The following FCHSD2 variants were observed in gnomAD, a reference collection of about 807,000 sequenced individuals.
The protein encoded by FCHSD2 is F-BAR and double SH3 domains protein 2.
FCHSD2 carries 38 observed loss-of-function variants against 108.1 expected under a neutral mutation model. The observed-to-expected ratio is 0.35, with a 90% confidence interval of 0.27 to 0.46. The LOEUF (loss-of-function observed/expected upper bound fraction) is 0.46. FCHSD2 is among the 20% of genes least tolerant of loss of function. The probability of loss-of-function intolerance (pLI) is 1.00; values close to 1 mark genes in which losing one functional copy is unlikely to be tolerated. For synonymous variants in FCHSD2, 279 were observed against 314.7 expected (o/e 0.89, Z 1.20); for missense variants, 751 against 897.8 (o/e 0.84, Z 2.09).
intron 3 of FCHSD2, among the ~76,000 whole-genome samples, chr11:73,030,195 T>C (rs996111625): frequency 2.0e-5 from 3 of 152,174 alleles, no homozygotes; most frequent in Non-Finnish European, 4.4e-5. Context: ...AGTTCCTATG[T>C]ATATGTATGC....
chr11:72,896,845 G>C (rs1459335315), intron 10 of FCHSD2, among the ~76,000 whole-genome samples: 1 of 142,196 alleles, frequency 7.0e-6, no homozygotes, highest in Non-Finnish European at 1.5e-5. Flanking sequence ...TGTTTTGTTT[G>C]AGACAGAGTC....
intron 13 of FCHSD2, among the ~76,000 whole-genome samples, chr11:72,850,331 C>T (rs1861252122): frequency 6.6e-6 from 1 of 152,012 alleles, no homozygotes. Context: ...TCCCAAAGTG[C>T]TGGTATTACA....
At chr11:72,886,612 T>C (rs752112585) in intron 12 of FCHSD2, among the ~76,000 whole-genome samples, 2 of 152,194 alleles carry the variant, frequency 1.3e-5, no homozygotes, top group Admixed American at 1.3e-4. Flanking sequence ...TCTACCTCCA[T>C]ACCCCTTCAC....
chr11:73,011,019 G>T (rs1381996987), intron 4 of FCHSD2, among the ~76,000 whole-genome samples: 1 of 152,140 alleles, frequency 6.6e-6, no homozygotes, highest in East Asian at 1.9e-4. Flanking sequence ...CAGGTGCCAT[G>T]TGCAGGTAGG....
At chr11:72,973,597 T>C (rs980391012) in intron 8 of FCHSD2, among the ~76,000 whole-genome samples, 11 of 152,236 alleles carry the variant, frequency 7.2e-5, no homozygotes, top group Non-Finnish European at 1.6e-4. Flanking sequence ...TACAATCTGT[T>C]GAACATAAGG....
At chr11:73,037,560 T>C (rs1411429349) in intron 3 of FCHSD2, among the ~76,000 whole-genome samples, 1 of 152,222 alleles carries the variant, frequency 6.6e-6, no homozygotes, top group Admixed American at 6.5e-5. Context: ...GAATGCATTC[T>C]TTCTCCATAT....
At chr11:72,934,370 G>T (rs1363014121) in intron 8 of FCHSD2, among the ~76,000 whole-genome samples, 3 of 139,448 alleles carry the variant, frequency 2.2e-5, no homozygotes, top group African/African-American at 8.0e-5. Flanking sequence ...TTACTCTGTT[G>T]CCCAGGCTGG....
At position 72,837,809 on chromosome 11, in the gene FCHSD2, C is replaced by G. The variant is rs1860778989; in HGVS notation, c.*982G>C. Reference sequence around the variant, plus strand: ...TGCATTTTCCACCATAGCAGTTGGTCTGGACCAGCCACAGCCTGGCTGTCT... The same window carrying G: ...TGCATTTTCCACCATAGCAGTTGGTGTGGACCAGCCACAGCCTGGCTGTCT... On this transcript the variant is annotated 3_prime_UTR_variant, in exon 20 of 20. Transcript: ENST00000409418. 6.6e-6 allele frequency: 1 copy of G among 152,340 alleles called. No homozygotes were observed. Among genetic ancestry groups the G allele is most frequent in the South Asian group, 2.1e-4 (1 of 4,830 alleles). The allele number at this position is 152,340 out of a possible 1,614,324, so 9.4% of individuals were successfully genotyped here. A position where few individuals can be genotyped will look rare whatever the true frequency, so the allele number is the denominator to read the frequency against.
At chr11:72,856,686 T>C (rs974684174) in intron 13 of FCHSD2, among the ~76,000 whole-genome samples, 2 of 152,184 alleles carry the variant, frequency 1.3e-5, no homozygotes, top group African/African-American at 4.8e-5. Flanking sequence ...TTACAAATTA[T>C]TCATCTATCA....
At chr11:72,938,580 G>A (rs1196872349) in intron 8 of FCHSD2, among the ~76,000 whole-genome samples, 1 of 152,130 alleles carries the variant, frequency 6.6e-6, no homozygotes, top group Non-Finnish European at 1.5e-5. Flanking sequence ...AATGAGGGGT[G>A]AGCAGATCAC....
intron 3 of FCHSD2, among the ~76,000 whole-genome samples, chr11:73,035,185 T>G (rs1027976845): frequency 2.9e-5 from 4 of 139,600 alleles, no homozygotes; most frequent in East Asian, 2.0e-4. Flanking sequence ...TATGTATGTA[T>G]GTATGTATGT....
At chr11:72,856,816 G>A (rs904015686) in intron 13 of FCHSD2, among the ~76,000 whole-genome samples, 3 of 152,144 alleles carry the variant, frequency 2.0e-5, no homozygotes, top group Non-Finnish European at 4.4e-5. Context: ...ACAGGGCATT[G>A]TGCCACATAA....
chr11:73,007,598 T>C (rs980828181), intron 4 of FCHSD2, among the ~76,000 whole-genome samples: 4 of 151,590 alleles, frequency 2.6e-5, no homozygotes, highest in African/African-American at 9.7e-5. Context: ...GAGACCCTGT[T>C]TTGAAAGAAA....
intron 4 of FCHSD2, among the ~76,000 whole-genome samples, chr11:73,008,728 C>T (rs2135425680): frequency 6.6e-6 from 1 of 152,212 alleles, no homozygotes. Flanking sequence ...AGGGGAGTGA[C>T]AGTAGGCCTG....
chr11:73,069,858 T>C (rs368466459), intron 3 of FCHSD2, among the ~76,000 whole-genome samples: 35 of 152,260 alleles, frequency 2.3e-4, no homozygotes, highest in East Asian at 7.7e-4. Flanking sequence ...AAATGATACA[T>C]TGGTCTCATT....
chr11:73,067,703 G>A (rs1004419344), intron 3 of FCHSD2, among the ~76,000 whole-genome samples: 9 of 151,636 alleles, frequency 5.9e-5, no homozygotes, highest in African/African-American at 1.2e-4. Context: ...GAAAATGAGC[G>A]GAATGAAAAA....
At chr11:72,986,716 T>A (rs2135402014) in intron 6 of FCHSD2, among the ~76,000 whole-genome samples, 1 of 152,320 alleles carries the variant, frequency 6.6e-6, no homozygotes, top group Admixed American at 6.5e-5. Context: ...GGCTTCTGCT[T>A]TATTTCCTAA....
chr11:72,899,417 A>G lies in FCHSD2; in HGVS notation c.924+3126T>C, dbSNP rs140087490. On this transcript the variant is annotated intron_variant, in intron 10 of 19. Coordinates refer to ENST00000409418, the MANE Select transcript of FCHSD2 (RefSeq NM_014824.3). ...CTCAACATCATTAGTCATTAGGGAA[A>G]TGCAAACCAGAACCACGAGATACTA... Among the ~76,000 whole-genome samples the G allele has an allele frequency of 4.6e-3, 699 of 152,262 alleles. 2 individuals are homozygous for G. Among genetic ancestry groups the G allele is most frequent in the African/African-American group, 0.016 (678 of 41,540 alleles).
intron 6 of FCHSD2, among the ~76,000 whole-genome samples, chr11:72,987,077 G>C (rs931083542): frequency 3.9e-5 from 6 of 152,100 alleles, no homozygotes; most frequent in Non-Finnish European, 8.8e-5. Context: ...AGGCTCTTCA[G>C]AATAAACATA....
Sources: gnomAD v4.1 joint callset for allele counts (sites outside exome capture counted in the v4.1 genomes callset) on GRCh38, gnomAD v4.1.1 for gene constraint, MANE v1.5 for transcripts, NCBI Gene and HGNC (gene_info 2026-07-23, HGNC 2026-07-21) for gene names.